Variants in RAPGEF6 observed in about 807,000 individuals in gnomAD.
RAPGEF6 encodes the protein PDZ domain containing guanine nucleotide exchange factor (GEF) 2.
Under a neutral mutation model 171.4 loss-of-function variants are expected in RAPGEF6, and 56 were observed. The ratio of observed to expected loss-of-function variants is 0.33; its 90% CI spans 0.26 to 0.41. The LOEUF (loss-of-function observed/expected upper bound fraction) is 0.41, where lower values mean the gene tolerates loss of function less well. Among genes scored for constraint, RAPGEF6 ranks in the 10% least tolerant of loss-of-function variants. RAPGEF6 has a pLI of 1.00. For missense variants in RAPGEF6, 1,674 were observed against 1,921.4 expected, an observed-to-expected ratio of 0.87 and a Z score of 2.41; for synonymous variants, 692 against 650.1, an observed-to-expected ratio of 1.06 and a Z score of -0.98.
At chr5:131,574,183 C>T (rs867595929) in intron 4 of RAPGEF6, among the ~76,000 whole-genome samples, 24 of 152,306 alleles carry the variant, frequency 1.6e-4, no homozygotes, top group African/African-American at 3.4e-4. Flanking sequence ...GCCTGCAGCC[C>T]GGGATTCCTT....
At chr5:131,620,793 T>C (rs1264002264) in intron 1 of RAPGEF6, among the ~76,000 whole-genome samples, 1 of 152,172 alleles carries the variant, frequency 6.6e-6, no homozygotes, top group East Asian at 1.9e-4. Flanking sequence ...CATTTTGCCA[T>C]GTTGGCTAGG....
At chr5:131,533,978 C>CATTAG (rs1301562038) in intron 6 of RAPGEF6, among the ~76,000 whole-genome samples, 1 of 152,128 alleles carries the variant, frequency 6.6e-6, no homozygotes, top group East Asian at 1.9e-4. Flanking sequence ...TGCTACAAGG[C>CATTAG]ATTAGATACT....
At chr5:131,449,638 C>T (rs1171019976) in intron 21 of RAPGEF6, among the ~76,000 whole-genome samples, 2 of 152,120 alleles carry the variant, frequency 1.3e-5, no homozygotes, top group African/African-American at 4.8e-5. Context: ...CTCAACCTTT[C>T]CCATCCATAC....
At chr5:131,502,021 G>A (rs1237255204) in intron 11 of RAPGEF6, among the ~76,000 whole-genome samples, 2 of 152,136 alleles carry the variant, frequency 1.3e-5, no homozygotes, top group Non-Finnish European at 2.9e-5. Flanking sequence ...TTAAGTTCAC[G>A]ATGAGCCTTA....
intron 8 of RAPGEF6, among the ~76,000 whole-genome samples, chr5:131,508,720 C>T (rs1426082975): frequency 6.6e-6 from 1 of 152,132 alleles, no homozygotes; most frequent in African/African-American, 2.4e-5. Context: ...TGCCTCAGGC[C>T]ACTCCCTGGT....
intron 4 of RAPGEF6, among the ~76,000 whole-genome samples, chr5:131,587,018 G>A (rs1018961807): frequency 6.6e-6 from 1 of 152,178 alleles, no homozygotes; most frequent in Non-Finnish European, 1.5e-5. Context: ...TCCTCTTCCT[G>A]CATGGTACCT....
chr5:131,446,545 A>G lies in RAPGEF6; in HGVS notation c.3359T>C (p.Val1120Ala), dbSNP rs1752705111. The change falls in exon 22 of 28, where the codon GTA (valine) becomes GCA (alanine). Residue 1120 changes from valine (V) to alanine (A), a missense_variant. Val to Ala is a moderately conservative substitution (Grantham distance 64). Coordinates refer to ENST00000509018, the MANE Select transcript of RAPGEF6 (RefSeq NM_016340.6). ...CTGGAACTTCTCCTCATCTGTCTCT[A>G]CATCGAGACTGGAAAGATACTGCTT... ...KVKQYLSSLD[V>A]ETDEEKFQMM... 3 of 1,614,114 alleles carry G rather than the reference A, an allele frequency of 1.9e-6. No homozygotes were observed. The highest frequency in any genetic ancestry group is 1.3e-5 in the African/African-American group (1 of 74,946).
At chr5:131,518,647 C>G (rs1758264332) in intron 7 of RAPGEF6, among the ~76,000 whole-genome samples, 2 of 152,266 alleles carry the variant, frequency 1.3e-5, no homozygotes, top group South Asian at 4.1e-4. Context: ...CCGCCCACCT[C>G]TGCCTCCCAA....
intron 1 of RAPGEF6, among the ~76,000 whole-genome samples, chr5:131,611,344 C>T (rs1190976993): frequency 6.6e-6 from 1 of 152,166 alleles, no homozygotes; most frequent in African/African-American, 2.4e-5. Flanking sequence ...TGGATTTATT[C>T]TTAAATATTT....
At chr5:131,461,622 A>C (rs1753940302) in intron 19 of RAPGEF6, 83 bp downstream of exon 19, 1 of 1,267,592 alleles carries the variant, frequency 7.9e-7, no homozygotes, top group Non-Finnish European at 1.1e-6. Context: ...TTCTTTTCAT[A>C]GGCATTGAAT....
At chr5:131,548,597 AG>A (rs1760707062) in intron 5 of RAPGEF6, among the ~76,000 whole-genome samples, 1 of 152,264 alleles carries the variant, frequency 6.6e-6, no homozygotes, top group South Asian at 2.1e-4. Context: ...AAGTAAAACA[AG>A]AAAACTTTAT....
chr5:131,535,720 T>G (rs1371360387), intron 6 of RAPGEF6, among the ~76,000 whole-genome samples: 1 of 152,144 alleles, frequency 6.6e-6, no homozygotes, highest in African/African-American at 2.4e-5. Flanking sequence ...TTATTAAAAT[T>G]TATGTTAACT....
chr5:131,585,331 T>TACAA (rs1763192752), intron 4 of RAPGEF6, among the ~76,000 whole-genome samples: 1 of 149,042 alleles, frequency 6.7e-6, no homozygotes, highest in Admixed American at 6.6e-5. Flanking sequence ...CATACATACA[T>TACAA]ACATATATAT....
rs531382309 is a variant in RAPGEF6, at chr5:131,431,251, G to A, written c.4073C>T (p.Ala1358Val). 2.5e-5 allele frequency: 41 copies of A among 1,614,224 alleles called. 1 individual carries two copies. The South Asian group carries it at 3.8e-4, about 15-fold the overall frequency. The change falls in exon 26 of 28, where the codon GCT becomes GTT. Residue 1358 changes from alanine (A) to valine (V), a missense_variant. This residue lies in a region of RAPGEF6 where 552 missense variants were observed against 574.2 expected (regional missense o/e 0.96). Transcript: ENST00000509018. ...ISQEHIIIEAADSGRGSWTSC... is the reference protein window; with the variant it reads ...ISQEHIIIEAVDSGRGSWTSC... Reference sequence around the variant, plus strand: ...AGTCCAACTTCCACGACCACTGTCAGCTGCTTCTATAATGATATGCTCTTG... The same window carrying A: ...AGTCCAACTTCCACGACCACTGTCAACTGCTTCTATAATGATATGCTCTTG...
At chr5:131,505,914 T>C (rs566024106) in intron 9 of RAPGEF6, among the ~76,000 whole-genome samples, 14 of 152,314 alleles carry the variant, frequency 9.2e-5, no homozygotes, top group African/African-American at 2.9e-4. Flanking sequence ...GTATCTATCA[T>C]AGAACTATTA....
chr5:131,512,217 G>T (rs570513133), intron 7 of RAPGEF6, among the ~76,000 whole-genome samples: 2 of 152,218 alleles, frequency 1.3e-5, no homozygotes, highest in South Asian at 4.2e-4. Context: ...AAGCAAGCAA[G>T]CAAGGAAAAA....
Position 131,485,689 on chromosome 5 carries a change from C to T in RAPGEF6, c.1840+3857G>A, listed in dbSNP as rs577636707. Among the ~76,000 whole-genome samples, 4 of 152,268 alleles carry T rather than the reference C, an allele frequency of 2.6e-5. No individual in the cohort carries two copies. In the East Asian group the frequency reaches 7.7e-4, roughly 29 times the overall value. ...TCTGCGAATTGCCTGTTGCTATTTG[C>T]TTTTCAGAGTTCTCAGCTAAGTGGG... On this transcript the variant is annotated intron_variant, in intron 15 of 27. Transcript: ENST00000509018.
Position 131,535,908 on chromosome 5 carries a change from TA to T in RAPGEF6, c.495+12138del, listed in dbSNP as rs1474101501. On this transcript the variant is annotated intron_variant, in intron 6 of 27. Coordinates refer to ENST00000509018, the MANE Select transcript of RAPGEF6 (RefSeq NM_016340.6). Reference sequence around the variant, plus strand: ...GGTTACCATAGATGAAGGTAAGCCATAAGAGGATAAACATTCTAGGCATTAT... The same window carrying T: ...GGTTACCATAGATGAAGGTAAGCCATAGAGGATAAACATTCTAGGCATTAT... Among the ~76,000 whole-genome samples the T allele has an allele frequency of 2.6e-5, 4 of 152,164 alleles. No individual in the cohort carries two copies. In the East Asian group the frequency reaches 7.7e-4, roughly 29 times the overall value.
intron 6 of RAPGEF6, among the ~76,000 whole-genome samples, chr5:131,534,072 C>A (rs373140901): frequency 6.6e-6 from 1 of 151,892 alleles, no homozygotes; most frequent in Non-Finnish European, 1.5e-5. Context: ...TACCTCCAGG[C>A]GGCAAAATTA....
Sources: allele counts gnomAD v4.1 joint callset (sites outside exome capture counted in the v4.1 genomes callset), GRCh38; gene constraint gnomAD v4.1.1; regional missense constraint gnomAD v4.1.1; transcripts MANE v1.5; gene names NCBI Gene and HGNC (gene_info 2026-07-23, HGNC 2026-07-21).